The following CEP128 variants were observed in gnomAD, a reference collection of about 807,000 sequenced individuals.
CEP128 encodes the protein centrosomal protein 128, also known as centrosomal protein 128kDa.
A neutral mutation model predicts 156.7 loss-of-function variants in CEP128; 132 were observed. The ratio of observed to expected loss-of-function variants is 0.84; its 90% CI spans 0.73 to 0.97. The LOEUF is 0.97. Ranked by LOEUF, CEP128 falls within the 50% of genes least tolerant of loss-of-function variation. The probability of loss-of-function intolerance (pLI) is 0.00; values close to 1 mark genes in which losing one functional copy is unlikely to be tolerated. For synonymous variants in CEP128, 469 were observed against 448.9 expected, an observed-to-expected ratio of 1.04 and a Z score of -0.57; for missense variants, 1,252 against 1,281.9, an observed-to-expected ratio of 0.98 and a Z score of 0.36.
downstream of CEP128, among the ~76,000 whole-genome samples, chr14:80,486,183 T>A (rs185858085): frequency 6.6e-6 from 1 of 152,274 alleles, no homozygotes; most frequent in Non-Finnish European, 1.5e-5. Context: ...AAGGAGCTAA[T>A]GGAGCTGAAA....
intron 4 of CEP128, among the ~76,000 whole-genome samples, chr14:80,910,152 T>C (rs1884125269): frequency 6.6e-6 from 1 of 152,212 alleles, no homozygotes; most frequent in African/African-American, 2.4e-5. Context: ...AATATCTCAC[T>C]TGATATAAAT....
intron 9 of CEP128, 143 bp downstream of exon 9, chr14:80,862,614 A>C (rs1182892129): frequency 1.6e-6 from 1 of 633,544 alleles, no homozygotes; most frequent in African/African-American, 1.8e-5. Context: ...GTCTGATTCT[A>C]TACACTGAAC....
chr14:80,905,755 G>GA (rs60483596), intron 5 of CEP128, 200 bp downstream of exon 5: 79,625 of 380,526 alleles, frequency 0.21, 661 homozygotes, highest in South Asian at 0.27. Context: ...CAGAGTTTGA[G>GA]AAAAAAAAAA....
chr14:80,771,120 T>A (rs1352183394), intron 16 of CEP128, among the ~76,000 whole-genome samples: 1 of 152,236 alleles, frequency 6.6e-6, no homozygotes, highest in Non-Finnish European at 1.5e-5. Flanking sequence ...ATACGTTTTA[T>A]GTGGAAAGTT....
intron 6 of CEP128, among the ~76,000 whole-genome samples, chr14:80,904,454 T>A (rs1157775736): frequency 6.6e-6 from 1 of 152,112 alleles, no homozygotes; most frequent in Admixed American, 6.6e-5. Context: ...CCAATGTCAA[T>A]AATAATGTAT....
intron 19 of CEP128, among the ~76,000 whole-genome samples, chr14:80,677,927 A>G (rs1896131031): frequency 6.6e-6 from 1 of 151,960 alleles, no homozygotes; most frequent in Non-Finnish European, 1.5e-5. Flanking sequence ...TATAGTCCTG[A>G]GTATAGAAAA....
chr14:80,820,465 T>C (rs1430153907), intron 13 of CEP128, among the ~76,000 whole-genome samples: 1 of 152,228 alleles, frequency 6.6e-6, no homozygotes, highest in Non-Finnish European at 1.5e-5. Context: ...AGAGAAAGTG[T>C]ATTTTGAGTT....
chr14:80,901,163 G>A (rs1883540556), intron 6 of CEP128, among the ~76,000 whole-genome samples: 1 of 151,340 alleles, frequency 6.6e-6, no homozygotes, highest in South Asian at 2.1e-4. Flanking sequence ...CCGAGATCGC[G>A]CCACTGCACT....
chr14:80,562,926 A>G (rs973624668), intron 20 of CEP128, among the ~76,000 whole-genome samples: 1 of 151,804 alleles, frequency 6.6e-6, no homozygotes, highest in Non-Finnish European at 1.5e-5. Flanking sequence ...GGCCTCCCCA[A>G]ATGCTGGGAT....
intron 19 of CEP128, among the ~76,000 whole-genome samples, chr14:80,734,386 CAT>C (rs1172994222): frequency 1.3e-5 from 2 of 151,980 alleles, no homozygotes; most frequent in Non-Finnish European, 2.9e-5. Context: ...CCACAAAAGC[CAT>C]ATGTCCCTAG....
At chr14:80,921,806 T>C (rs1566717240) in intron 2 of CEP128, among the ~76,000 whole-genome samples, 1 of 151,650 alleles carries the variant, frequency 6.6e-6, no homozygotes, top group Non-Finnish European at 1.5e-5. Flanking sequence ...TCTACTAAAA[T>C]ACAAAAATTA....
chr14:80,584,492 CT>C (rs1218075540), intron 19 of CEP128, among the ~76,000 whole-genome samples: 14 of 152,222 alleles, frequency 9.2e-5, no homozygotes, highest in Admixed American at 6.5e-4. Context: ...GCCTTTCTAT[CT>C]TTGATATTTA....
At chr14:80,684,582 C>T (rs1216093954) in intron 19 of CEP128, among the ~76,000 whole-genome samples, 1 of 151,718 alleles carries the variant, frequency 6.6e-6, no homozygotes, top group Non-Finnish European at 1.5e-5. Flanking sequence ...TAACTCCTTC[C>T]TAATGCATTC....
At chr14:80,931,771 G>A (rs919249719) in intron 2 of CEP128, among the ~76,000 whole-genome samples, 1 of 152,172 alleles carries the variant, frequency 6.6e-6, no homozygotes. Flanking sequence ...AATTATGGGG[G>A]CAACCAGTGA....
At chr14:80,485,257 T>C (rs1351311364) in intron 14 of CEP128, among the ~76,000 whole-genome samples, 1 of 152,118 alleles carries the variant, frequency 6.6e-6, no homozygotes, top group Non-Finnish European at 1.5e-5. Flanking sequence ...ACAAGAAGAA[T>C]CATTTTGCGG....
chr14:80,667,890 T>G (rs1274481457), intron 19 of CEP128, among the ~76,000 whole-genome samples: 2 of 151,318 alleles, frequency 1.3e-5, no homozygotes, highest in Non-Finnish European at 2.9e-5. Flanking sequence ...TGAATTTCCT[T>G]CAAATTAAAA....
chr14:80,678,309 A>G (rs1346903408), intron 19 of CEP128, among the ~76,000 whole-genome samples: 7 of 152,046 alleles, frequency 4.6e-5, no homozygotes, highest in Admixed American at 4.6e-4. Context: ...AAGATCATCT[A>G]TCAAAAATAT....
intron 13 of CEP128, among the ~76,000 whole-genome samples, chr14:80,802,778 T>C (rs373125546): frequency 1.8e-4 from 27 of 152,256 alleles, no homozygotes; most frequent in Middle Eastern, 3.4e-3. Context: ...CATGATTAGG[T>C]ATGTGCTTGA....
intron 16 of CEP128, among the ~76,000 whole-genome samples, chr14:80,771,141 T>A (rs1053241825): frequency 2.0e-5 from 3 of 152,220 alleles, no homozygotes; most frequent in African/African-American, 7.2e-5. Flanking sequence ...CAGGTTTTAA[T>A]TAGATTTTTC....
Sources: gnomAD v4.1 joint callset for allele counts (sites outside exome capture counted in the v4.1 genomes callset) on GRCh38, gnomAD v4.1.1 for gene constraint, MANE v1.5 for transcripts, NCBI Gene and HGNC (gene_info 2026-07-23, HGNC 2026-07-21) for gene names.